The following DUS2 variants were observed in gnomAD, a reference collection of about 807,000 sequenced individuals.
DUS2 encodes tRNA-dihydrouridine(20) synthase [NAD(P)+]-like.
DUS2 carries 52 observed loss-of-function variants against 71.3 expected under a neutral mutation model. The observed-to-expected ratio is 0.73, with a 90% CI of 0.58 to 0.92. The LOEUF (loss-of-function observed/expected upper bound fraction) is 0.92. Among genes scored for constraint, DUS2 ranks in the 40% least tolerant of loss-of-function variants. The pLI is 0.00. For synonymous variants in DUS2, 204 were observed against 227.8 expected, an observed-to-expected ratio of 0.90 and a Z score of 0.94; for missense variants, 558 against 622.6, an observed-to-expected ratio of 0.90 and a Z score of 1.10.
intron 15 of DUS2, 109 bp from the exon 16 acceptor site, chr16:68,078,336 T>G: frequency 9.5e-7 from 1 of 1,053,312 alleles, no homozygotes; most frequent in East Asian, 2.4e-5. Flanking sequence ...AGCCTTCATT[T>G]GACTTAGGTT....
chr16:68,047,199 G>A (rs1316923823), intron 3 of DUS2, among the ~76,000 whole-genome samples: 1 of 150,618 alleles, frequency 6.6e-6, no homozygotes, highest in African/African-American at 2.4e-5. Flanking sequence ...GGGATTACGG[G>A]CACGTGCCAC....
At chr16:68,049,578 T>C (rs540185887) in intron 4 of DUS2, 28 bp downstream of exon 4, 15 of 1,611,818 alleles carry the variant, frequency 9.3e-6, no homozygotes, top group Admixed American at 3.3e-5. Context: ...TCCAGAATTA[T>C]GCATATGCCC....
intron 2 of DUS2, among the ~76,000 whole-genome samples, chr16:68,029,268 C>T (rs1225786033): frequency 6.7e-6 from 1 of 150,184 alleles, no homozygotes; most frequent in African/African-American, 2.4e-5. Context: ...TACTTTTTGT[C>T]ATGTGCATGT....
At chr16:68,078,614 A>G (rs563778899) in intron 16 of DUS2, 96 bp downstream of exon 16, 1 of 1,513,752 alleles carries the variant, frequency 6.6e-7, no homozygotes, top group South Asian at 1.1e-5. Context: ...GGTTGGGTAG[A>G]TGGTATATGT....
At chr16:68,061,242 A>C (rs922024619) in intron 8 of DUS2, 129 bp downstream of exon 8, 3 of 957,854 alleles carry the variant, frequency 3.1e-6, no homozygotes, top group Non-Finnish European at 4.7e-6. Flanking sequence ...AGGCCTAGCG[A>C]TTTCCAAAAA....
intron 2 of DUS2, among the ~76,000 whole-genome samples, chr16:68,032,295 A>C (rs891195561): frequency 2.0e-5 from 3 of 152,170 alleles, no homozygotes; most frequent in Non-Finnish European, 4.4e-5. Context: ...GTCACACCTT[A>C]CTAAGCAGCC....
chr16:68,071,368 A>G (rs753930251), intron 12 of DUS2, among the ~76,000 whole-genome samples: 2 of 152,222 alleles, frequency 1.3e-5, no homozygotes, highest in Non-Finnish European at 2.9e-5. Flanking sequence ...AGAACCTTCT[A>G]GATCCAGGAT....
At chr16:68,053,893 T>C in intron 5 of DUS2, 1 of 485,822 alleles carries the variant, frequency 2.1e-6, no homozygotes, top group Non-Finnish European at 3.7e-6. Context: ...AAATTTAATT[T>C]ACTTACTTGT....
At chr16:68,024,708 G>A (rs1001226438) in intron 1 of DUS2, among the ~76,000 whole-genome samples, 2 of 152,130 alleles carry the variant, frequency 1.3e-5, no homozygotes, top group Non-Finnish European at 2.9e-5. Flanking sequence ...AAAATATCTG[G>A]AAGTAGGAAG....
At chr16:68,039,493 A>T (rs936151085) in intron 3 of DUS2, among the ~76,000 whole-genome samples, 3 of 151,778 alleles carry the variant, frequency 2.0e-5, no homozygotes, top group Non-Finnish European at 4.4e-5. Context: ...ATCTTGGCTC[A>T]CTGCAAGCTC....
intron 14 of DUS2, among the ~76,000 whole-genome samples, chr16:68,076,221 G>A (rs1180775734): frequency 2.0e-5 from 3 of 152,058 alleles, no homozygotes; most frequent in Non-Finnish European, 4.4e-5. Context: ...CTTGGCAGGC[G>A]GAATCAGGAT....
chr16:68,078,604 G>T (rs1167701150), intron 16 of DUS2, 86 bp downstream of exon 16: 11 of 1,536,846 alleles, frequency 7.2e-6, no homozygotes, highest in Admixed American at 1.7e-5. Context: ...GTCCTAGGAG[G>T]GTTGGGTAGA....
Position 68,053,542 on chromosome 16 carries a change from A to G in DUS2, c.173-22A>G, listed in dbSNP as rs144330797. On this transcript the variant is annotated intron_variant, in intron 4 of 16. Transcript: ENST00000565263. Reference sequence around the variant, plus strand: ...ACTTGCATCTTCATTGAGTGACCCTATGTGTTTGGGTTTTCTTGCAGAGGT... The same window carrying G: ...ACTTGCATCTTCATTGAGTGACCCTGTGTGTTTGGGTTTTCTTGCAGAGGT... The G allele has an allele frequency of 5.3e-4, 852 of 1,613,310 alleles. 4 individuals carry two copies. In the Middle Eastern group the frequency reaches 0.01, roughly 19 times the overall value.
chr16:68,057,117 TAC>T (rs1178415437), intron 7 of DUS2, among the ~76,000 whole-genome samples: 1 of 140,164 alleles, frequency 7.1e-6, no homozygotes, highest in Non-Finnish European at 1.5e-5. Flanking sequence ...TATTATATAT[TAC>T]ATATATAAAT....
At chr16:68,036,196 T>G (rs980246699) in intron 2 of DUS2, among the ~76,000 whole-genome samples, 1 of 150,546 alleles carries the variant, frequency 6.6e-6, no homozygotes, top group Non-Finnish European at 1.5e-5. Flanking sequence ...AGTCTTGCTC[T>G]GTCGCCCAGG....
chr16:68,033,940 G>C (rs767850506), intron 2 of DUS2, among the ~76,000 whole-genome samples: 1 of 151,824 alleles, frequency 6.6e-6, no homozygotes, highest in African/African-American at 2.4e-5. Context: ...CCCAATTTTT[G>C]CATTTTTTGT....
chr16:68,071,009 T>C lies in DUS2; in HGVS notation c.711T>C (p.Ser237=), dbSNP rs750416892. Residue 237 remains serine, a synonymous_variant, in exon 12 of 17, where the codon TCT becomes TCC. Transcript: ENST00000565263. ...ACTTTCGACAAGCCACGGCAGCCTCTTCCGTGATGGTGGCCCGAGCAGCCA... is the reference window on the plus strand; with the variant it reads ...ACTTTCGACAAGCCACGGCAGCCTCCTCCGTGATGGTGGCCCGAGCAGCCA... ...IEDFRQATAA[S]SVMVARAAMW... is the part of the protein sequence containing the mutation. 6.2e-7 allele frequency: 1 copy of C among 1,614,240 alleles called. No individual in the cohort carries two copies. Among genetic ancestry groups the C allele is most frequent in the Non-Finnish European group, 8.5e-7 (1 of 1,180,038 alleles).
At chr16:68,035,428 A>G (rs1338564383) in intron 2 of DUS2, among the ~76,000 whole-genome samples, 1 of 150,804 alleles carries the variant, frequency 6.6e-6, no homozygotes, top group African/African-American at 2.4e-5. Flanking sequence ...TGTTGCCTAG[A>G]CTGGAGTTTA....
intron 11 of DUS2, among the ~76,000 whole-genome samples, chr16:68,070,467 G>A (rs1026858939): frequency 6.6e-6 from 1 of 152,188 alleles, no homozygotes; most frequent in African/African-American, 2.4e-5. Flanking sequence ...GGGGGTCCTT[G>A]GAGCAGCAGG....
Sources: gnomAD v4.1 joint callset for allele counts (sites outside exome capture counted in the v4.1 genomes callset) on GRCh38, gnomAD v4.1.1 for gene constraint, MANE v1.5 for transcripts, NCBI Gene and HGNC (gene_info 2026-07-23, HGNC 2026-07-21) for gene names.